NEK1: variants seen among roughly 807,000 people sequenced by gnomAD.
NEK1 encodes the protein NIMA related kinase 1.
In NEK1, 137 loss-of-function variants were observed where a neutral mutation model predicts 182.1. That is an observed-to-expected ratio of 0.75 (90% confidence interval 0.65 to 0.87). The LOEUF is 0.87. Ranked by LOEUF, NEK1 falls within the 40% of genes least tolerant of loss-of-function variation. NEK1 has a pLI of 0.00. For missense variants in NEK1, 1,391 were observed against 1,494.4 expected (o/e 0.93, Z 1.14); for synonymous variants, 513 against 492.2 (o/e 1.04, Z -0.56).
At chr4:169,604,956 G>C (rs1230743146) in intron 2 of NEK1, among the ~76,000 whole-genome samples, 2 of 151,978 alleles carry the variant, frequency 1.3e-5, no homozygotes, top group African/African-American at 4.8e-5. Context: ...CAATATAATG[G>C]CTATCTGGGC....
chr4:169,400,859 T>C (rs1409461836), intron 33 of NEK1, among the ~76,000 whole-genome samples: 1 of 151,810 alleles, frequency 6.6e-6, no homozygotes, highest in Non-Finnish European at 1.5e-5. Flanking sequence ...TTACTTTTCA[T>C]GTATAGATAT....
At chr4:169,596,016 C>T (rs1283467458) in intron 5 of NEK1, among the ~76,000 whole-genome samples, 1 of 151,932 alleles carries the variant, frequency 6.6e-6, no homozygotes, top group Non-Finnish European at 1.5e-5. Context: ...TTACAGGGTC[C>T]CTGCGTCGTA....
intron 18 of NEK1, among the ~76,000 whole-genome samples, chr4:169,549,468 G>C (rs1368684700): frequency 6.6e-6 from 1 of 152,194 alleles, no homozygotes; most frequent in Admixed American, 6.5e-5. Context: ...TGTCGCCAAG[G>C]CTGGAGTGCA....
chr4:169,590,914 T>C, intron 5 of NEK1, 105 bp from the exon 6 acceptor site: 1 of 757,756 alleles, frequency 1.3e-6, no homozygotes, highest in Non-Finnish European at 2.2e-6. Flanking sequence ...TATTTTAGGC[T>C]ACAATTTCTT....
chr4:169,544,666 T>C (rs1290859368), intron 18 of NEK1, among the ~76,000 whole-genome samples: 5 of 149,970 alleles, frequency 3.3e-5, no homozygotes, highest in African/African-American at 1.2e-4. Context: ...TCAGAACTTG[T>C]TATTGGTCTA....
At chr4:169,536,105 G>GC (rs1758454863) in intron 19 of NEK1, among the ~76,000 whole-genome samples, 1 of 151,672 alleles carries the variant, frequency 6.6e-6, no homozygotes, top group Non-Finnish European at 1.5e-5. Flanking sequence ...GACCAGCCTG[G>GC]CCAACATGGT....
intron 12 of NEK1, among the ~76,000 whole-genome samples, chr4:169,563,427 T>G (rs1406500884): frequency 6.6e-6 from 1 of 152,162 alleles, no homozygotes; most frequent in Non-Finnish European, 1.5e-5. Context: ...ATTTATTTTC[T>G]AATCATTTAT....
chr4:169,428,671 C>A (rs139981582), intron 29 of NEK1, among the ~76,000 whole-genome samples: 1 of 152,048 alleles, frequency 6.6e-6, no homozygotes, highest in Non-Finnish European at 1.5e-5. Context: ...CTGTGAATTT[C>A]TAAATGTAAT....
intron 19 of NEK1, among the ~76,000 whole-genome samples, chr4:169,509,083 G>C (rs774950299): frequency 1.4e-4 from 22 of 152,082 alleles, no homozygotes; most frequent in Admixed American, 1.4e-3. Context: ...ACAGAGACCA[G>C]CTATCTTTGT....
At chr4:169,597,563 G>A (rs904010965) in intron 5 of NEK1, among the ~76,000 whole-genome samples, 1 of 152,174 alleles carries the variant, frequency 6.6e-6, no homozygotes, top group Non-Finnish European at 1.5e-5. Flanking sequence ...TTGTGTTCAG[G>A]AGTGCAAGGC....
intron 31 of NEK1, among the ~76,000 whole-genome samples, chr4:169,419,673 C>T (rs2111269327): frequency 6.6e-6 from 1 of 152,246 alleles, no homozygotes; most frequent in East Asian, 1.9e-4. Flanking sequence ...TGTTGTTAGG[C>T]AATTTTGTCA....
At chr4:169,591,802 C>G (rs529987454) in intron 5 of NEK1, among the ~76,000 whole-genome samples, 160 of 152,064 alleles carry the variant, frequency 1.1e-3, no homozygotes, top group Middle Eastern at 0.01. Context: ...TGACTACATA[C>G]AATTTAAAAC....
At chr4:169,511,518 T>C (rs532348163) in intron 19 of NEK1, among the ~76,000 whole-genome samples, 2 of 152,240 alleles carry the variant, frequency 1.3e-5, no homozygotes, top group African/African-American at 4.8e-5. Context: ...TGAAATATTA[T>C]AGATATACAG....
rs559459896 is a variant in NEK1 at position 169,603,296 on chromosome 4, T to C, written c.-48-618A>G. The stretch of plus-strand genomic sequence containing the variant: ...TAACACTGGTTATTATTATTTCTTG[T>C]ATTTAGGGAGATGTTTACTGTAATG... On this transcript the variant is annotated intron_variant, in intron 2 of 35. Coordinates refer to ENST00000507142, the MANE Select transcript of NEK1 (RefSeq NM_001199397.3). Among the ~76,000 whole-genome samples, 133 of 152,188 alleles carry C rather than the reference T, an allele frequency of 8.7e-4. 1 individual carries two copies. Among genetic ancestry groups the C allele is most frequent in the Non-Finnish European group, 1.6e-3 (108 of 68,016 alleles).
chr4:169,490,968 CCT>C (rs1749958055), intron 23 of NEK1, among the ~76,000 whole-genome samples: 1 of 151,546 alleles, frequency 6.6e-6, no homozygotes, highest in African/African-American at 2.4e-5. Flanking sequence ...ATGGTGAAGC[CCT>C]GTCTCTACTA....
chr4:169,514,831 T>C (rs1335581043), intron 19 of NEK1, among the ~76,000 whole-genome samples: 1 of 152,190 alleles, frequency 6.6e-6, no homozygotes, highest in East Asian at 1.9e-4. Flanking sequence ...ATAGTATTAC[T>C]GGTCTCAATT....
At chr4:169,561,433 C>A in intron 16 of NEK1, 47 bp downstream of exon 16, 1 of 1,512,644 alleles carries the variant, frequency 6.6e-7, no homozygotes, top group Non-Finnish European at 9.2e-7. Flanking sequence ...CAAGGTGGAA[C>A]TGGAGGGGAA....
intron 19 of NEK1, among the ~76,000 whole-genome samples, chr4:169,509,900 A>G (rs1358808671): frequency 6.6e-6 from 1 of 152,102 alleles, no homozygotes; most frequent in African/African-American, 2.4e-5. Context: ...TAAAACTGGT[A>G]TTTTACTAGT....
chr4:169,453,576 C>T (rs532834705), intron 27 of NEK1, among the ~76,000 whole-genome samples: 20 of 152,312 alleles, frequency 1.3e-4, no homozygotes, highest in African/African-American at 3.6e-4. Flanking sequence ...ACACCTGGCC[C>T]GCCCAGGGCA....
Sources: gnomAD v4.1 joint callset for allele counts (sites outside exome capture counted in the v4.1 genomes callset) on GRCh38, gnomAD v4.1.1 for gene constraint, MANE v1.5 for transcripts, NCBI Gene and HGNC (gene_info 2026-07-23, HGNC 2026-07-21) for gene names.